EIF3H: variants seen among roughly 807,000 people sequenced by gnomAD.
EIF3H encodes eukaryotic translation initiation factor 3 subunit H, also known as eIF-3-gamma.
EIF3H carries 26 observed loss-of-function variants against 44.2 expected under a neutral mutation model. The observed-to-expected ratio is 0.59, with a 90% CI of 0.43 to 0.82. The LOEUF (loss-of-function observed/expected upper bound fraction) is 0.82. EIF3H is among the 40% of genes least tolerant of loss of function. The pLI is 0.00. For synonymous variants in EIF3H, 166 were observed against 151.9 expected (o/e 1.09, Z -0.68); for missense variants, 359 against 432.8 (o/e 0.83, Z 1.51).
In EIF3H at chr8:116,718,198, C is replaced by T. The variant is rs150109472; in HGVS notation, c.289+7818G>A. Reference sequence around the variant, plus strand: ...AATACCACCTTACTCCTAGCTAAAACGTCCATAATAATAAAAAAAAAATTA... The same window carrying T: ...AATACCACCTTACTCCTAGCTAAAATGTCCATAATAATAAAAAAAAAATTA... On this transcript the variant is annotated intron_variant, in intron 2 of 7. Transcript: ENST00000521861. Among the ~76,000 whole-genome samples the T allele has an allele frequency of 7.2e-5, 11 of 151,850 alleles. No homozygotes were observed. The South Asian group carries it at 1.0e-3, about 14-fold the overall frequency.
chr8:116,751,304 C>A, intron 1 of EIF3H, among the ~76,000 whole-genome samples: 1 of 151,930 alleles, frequency 6.6e-6, no homozygotes, highest in East Asian at 1.9e-4. Flanking sequence ...AAATAACCTG[C>A]ATAAGATATT....
chr8:116,669,285 T>C (rs1456440878), intron 2 of EIF3H, among the ~76,000 whole-genome samples: 1 of 152,226 alleles, frequency 6.6e-6, no homozygotes, highest in Non-Finnish European at 1.5e-5. Flanking sequence ...GGTGTTCCAT[T>C]ATTACTGTGC....
At chr8:116,735,923 G>T (rs1815030159) in intron 1 of EIF3H, among the ~76,000 whole-genome samples, 2 of 152,136 alleles carry the variant, frequency 1.3e-5, no homozygotes, top group Non-Finnish European at 2.9e-5. Context: ...ATGAAGTCAG[G>T]TGTGGAATTT....
At chr8:116,720,835 A>G (rs1203568811) in intron 2 of EIF3H, among the ~76,000 whole-genome samples, 2 of 152,184 alleles carry the variant, frequency 1.3e-5, no homozygotes, top group African/African-American at 4.8e-5. Context: ...GAGATGATTT[A>G]GGGTATCTGG....
At position 116,695,067 on chromosome 8, in the gene EIF3H, C is replaced by CTT. The variant is rs767166377; in HGVS notation, c.289+30947_289+30948dup. On this transcript the variant is annotated intron_variant, in intron 2 of 7. Transcript: ENST00000521861. ...AAAAACTAAGGTAAACTTCCTAATT[C>CTT]TTTTTTTTTTTTTTTTTTTGAGACA... is the stretch of plus-strand genomic sequence containing the variant. 4.7e-3 allele frequency among the ~76,000 whole-genome samples: 634 copies of CTT among 133,546 alleles called. 5 individuals carry two copies. The highest frequency in any genetic ancestry group is 0.015 in the African/African-American group (521 of 35,802). 87.6% of individuals were successfully genotyped at this position (133,546 alleles called of 152,430 possible).
chr8:116,724,063 T>C (rs917044704), intron 2 of EIF3H, among the ~76,000 whole-genome samples: 1 of 152,192 alleles, frequency 6.6e-6, no homozygotes, highest in Admixed American at 6.5e-5. Context: ...ATTACAAAGC[T>C]GGAGTAATCC....
chr8:116,712,813 G>C (rs986496517), intron 2 of EIF3H, among the ~76,000 whole-genome samples: 6 of 151,950 alleles, frequency 3.9e-5, no homozygotes, highest in African/African-American at 1.4e-4. Flanking sequence ...AGAGCAGTTT[G>C]GAAAACTCAG....
chr8:116,687,196 A>G (rs566954713), intron 2 of EIF3H, among the ~76,000 whole-genome samples: 10 of 152,226 alleles, frequency 6.6e-5, no homozygotes, highest in Non-Finnish European at 1.0e-4. Context: ...GGCAGTTAGC[A>G]TGAAAACTGG....
rs1222664947 is a variant in EIF3H at position 116,644,842 on chromosome 8, G to A, written c.*164C>T. On this transcript the variant is annotated 3_prime_UTR_variant, in exon 8 of 8. Coordinates refer to ENST00000521861, the MANE Select transcript of EIF3H (RefSeq NM_003756.3). ...CAAATGAGCAAGCAGTCAAGATTTT[G>A]TTTTATTTTATTATGGCTAGAAAGA... The A allele has an allele frequency of 5.4e-6, 3 of 555,650 alleles. No individual in the cohort carries two copies. In the African/African-American group the frequency reaches 5.6e-5, roughly 10 times the overall value. 34.4% of individuals were successfully genotyped at this position (555,650 alleles called of 1,614,324 possible).
intron 2 of EIF3H, among the ~76,000 whole-genome samples, chr8:116,725,361 A>G (rs929046326): frequency 2.0e-5 from 3 of 152,238 alleles, no homozygotes; most frequent in Non-Finnish European, 4.4e-5. Context: ...CACAATATGC[A>G]TACACTTAAC....
chr8:116,694,934 A>T (rs1351212157), intron 2 of EIF3H, among the ~76,000 whole-genome samples: 1 of 152,212 alleles, frequency 6.6e-6, no homozygotes, highest in African/African-American at 2.4e-5. Context: ...AGAGAATAAG[A>T]AAATAAAAAT....
At chr8:116,693,413 C>G (rs1317552894) in intron 2 of EIF3H, among the ~76,000 whole-genome samples, 1 of 152,092 alleles carries the variant, frequency 6.6e-6, no homozygotes, top group Non-Finnish European at 1.5e-5. Flanking sequence ...GCACCACCTA[C>G]GTGGTAACAA....
chr8:116,742,622 A>T (rs1001079827), intron 1 of EIF3H, among the ~76,000 whole-genome samples: 1 of 152,186 alleles, frequency 6.6e-6, no homozygotes, highest in Admixed American at 6.5e-5. Flanking sequence ...TATTACATTC[A>T]AGTTTATTAG....
At chr8:116,762,246 A>T (rs1815525180) in intron 1 of EIF3H, among the ~76,000 whole-genome samples, 1 of 152,258 alleles carries the variant, frequency 6.6e-6, no homozygotes, top group Non-Finnish European at 1.5e-5. Context: ...GTTTGGCTAC[A>T]TATAAAATAA....
At chr8:116,744,475 G>A (rs958577155) in intron 1 of EIF3H, among the ~76,000 whole-genome samples, 1 of 152,098 alleles carries the variant, frequency 6.6e-6, no homozygotes, top group Non-Finnish European at 1.5e-5. Context: ...ACAAGAATAT[G>A]GCATATTACT....
In EIF3H at chr8:116,714,229, G is replaced by A. The variant is rs542048127; in HGVS notation, c.289+11787C>T. Among the ~76,000 whole-genome samples, 12 of 152,152 alleles carry A rather than the reference G, an allele frequency of 7.9e-5. No individual in the cohort carries two copies. The South Asian group carries it at 2.5e-3, about 32-fold the overall frequency. ...ACAAATAATCAGAACACATTCAAAA[G>A]ACACAACTTTCTTGTTTAACAGTTT... On this transcript the variant is annotated intron_variant, in intron 2 of 7. Transcript: ENST00000521861.
At chr8:116,646,714 C>T in intron 6 of EIF3H, 111 bp from the exon 7 acceptor site, 1 of 1,394,404 alleles carries the variant, frequency 7.2e-7, no homozygotes, top group South Asian at 1.4e-5. Context: ...ATTCCAACCT[C>T]AGTTTTTATC....
intron 2 of EIF3H, among the ~76,000 whole-genome samples, chr8:116,704,723 C>T (rs1458166071): frequency 2.0e-5 from 3 of 152,160 alleles, no homozygotes; most frequent in Non-Finnish European, 4.4e-5. Context: ...TTTACTGTTT[C>T]TTTTCCTATT....
chr8:116,710,500 T>C (rs1814555426), intron 2 of EIF3H, among the ~76,000 whole-genome samples: 1 of 152,200 alleles, frequency 6.6e-6, no homozygotes, highest in Non-Finnish European at 1.5e-5. Flanking sequence ...TTGACCTTCA[T>C]TTTTATTTAA....
Sources: allele counts gnomAD v4.1 joint callset (sites outside exome capture counted in the v4.1 genomes callset), GRCh38; gene constraint gnomAD v4.1.1; transcripts MANE v1.5; gene names NCBI Gene and HGNC (gene_info 2026-07-23, HGNC 2026-07-21).